The following ARMH3 variants were observed in gnomAD, a reference collection of about 807,000 sequenced individuals.
ARMH3 encodes armadillo like helical domain containing 3.
In ARMH3, 60 loss-of-function variants were observed where a neutral mutation model predicts 99.1. That is an observed-to-expected ratio of 0.61 (90% CI 0.49 to 0.75). ARMH3 has a LOEUF of 0.75. Ranked by LOEUF, ARMH3 falls within the 30% of genes least tolerant of loss-of-function variation. The probability of loss-of-function intolerance (pLI) is 0.00; values close to 1 mark genes in which losing one functional copy is unlikely to be tolerated. For synonymous variants in ARMH3, 285 were observed against 292.8 expected (o/e 0.97, Z 0.27); for missense variants, 679 against 843.1 (o/e 0.81, Z 2.41).
intron 23 of ARMH3, among the ~76,000 whole-genome samples, chr10:101,927,562 T>C (rs941649127): frequency 3.3e-5 from 5 of 152,210 alleles, no homozygotes; most frequent in African/African-American, 4.8e-5. Flanking sequence ...GCTACTCCAT[T>C]ATCACTGTCT....
chr10:101,889,628 G>C, intron 23 of ARMH3, 138 bp from the exon 24 acceptor site: 1 of 770,866 alleles, frequency 1.3e-6, no homozygotes, highest in Middle Eastern at 2.6e-4. Flanking sequence ...TCCTCTTATT[G>C]AACATGAGGT....
At chr10:101,935,608 T>C (rs1331274474) in intron 23 of ARMH3, among the ~76,000 whole-genome samples, 1 of 152,170 alleles carries the variant, frequency 6.6e-6, no homozygotes, top group Non-Finnish European at 1.5e-5. Context: ...AAAGACATAA[T>C]TTGGAGCTAT....
At chr10:101,874,941 G>T (rs974868637) in intron 24 of ARMH3, among the ~76,000 whole-genome samples, 2 of 152,170 alleles carry the variant, frequency 1.3e-5, no homozygotes, top group African/African-American at 4.8e-5. Context: ...ACAGGCAAAG[G>T]TCTAAAATGA....
At chr10:101,995,099 A>G (rs1420529937) in intron 16 of ARMH3, among the ~76,000 whole-genome samples, 198 bp downstream of exon 16, 1 of 152,264 alleles carries the variant, frequency 6.6e-6, no homozygotes, top group Non-Finnish European at 1.5e-5. Flanking sequence ...GCGTGGAAGC[A>G]GACAAGACCC....
intron 2 of ARMH3, among the ~76,000 whole-genome samples, chr10:102,037,316 T>C (rs1359914532): frequency 6.6e-6 from 1 of 151,206 alleles, no homozygotes; most frequent in Non-Finnish European, 1.5e-5. Flanking sequence ...CATAAATAGC[T>C]GGGATTATAA....
intron 23 of ARMH3, among the ~76,000 whole-genome samples, chr10:101,894,303 C>T (rs2067764700): frequency 6.6e-6 from 1 of 152,186 alleles, no homozygotes; most frequent in African/African-American, 2.4e-5. Context: ...GAAAGGAATT[C>T]CAGACAGGGC....
chr10:102,027,361 C>A (rs1293191355), intron 5 of ARMH3, among the ~76,000 whole-genome samples: 1 of 150,440 alleles, frequency 6.6e-6, no homozygotes, highest in Admixed American at 6.7e-5. Context: ...ATGGTGGTAA[C>A]AGAAGAAGAC....
intron 19 of ARMH3, among the ~76,000 whole-genome samples, chr10:101,981,088 G>A (rs920386191): frequency 4.0e-5 from 6 of 151,874 alleles, no homozygotes; most frequent in Admixed American, 3.3e-4. Flanking sequence ...GAGGGAACTC[G>A]GAGGATGGGT....
At chr10:101,849,671 C>A in intron 25 of ARMH3, 105 bp downstream of exon 25, 1 of 888,466 alleles carries the variant, frequency 1.1e-6, no homozygotes, top group Non-Finnish European at 1.8e-6. Flanking sequence ...TCCCAGCAGA[C>A]CCCTCAAGTC....
chr10:101,899,221 G>T (rs1236434454), intron 23 of ARMH3, among the ~76,000 whole-genome samples: 1 of 152,120 alleles, frequency 6.6e-6, no homozygotes, highest in Non-Finnish European at 1.5e-5. Context: ...CCCCAAGGCA[G>T]CTTCCCTTTT....
intron 5 of ARMH3, among the ~76,000 whole-genome samples, chr10:102,025,951 G>A (rs1210039397): frequency 1.3e-5 from 2 of 152,098 alleles, no homozygotes; most frequent in Admixed American, 6.6e-5. Flanking sequence ...GGCAAGTTTC[G>A]TTATTTGGTA....
chr10:102,050,453 C>CAAAT (rs960472132), intron 1 of ARMH3, among the ~76,000 whole-genome samples: 3 of 151,922 alleles, frequency 2.0e-5, no homozygotes, highest in South Asian at 2.1e-4. Context: ...GACTCTGTCT[C>CAAAT]AAATAAATAA....
intron 14 of ARMH3, among the ~76,000 whole-genome samples, chr10:102,005,348 A>G (rs2066458475): frequency 6.8e-6 from 1 of 146,776 alleles, no homozygotes; most frequent in South Asian, 2.1e-4. Flanking sequence ...ACACTACCAC[A>G]CTCTAGCCTA....
chr10:101,883,729 T>G (rs543806558), intron 24 of ARMH3, among the ~76,000 whole-genome samples: 1 of 152,032 alleles, frequency 6.6e-6, no homozygotes, highest in South Asian at 2.1e-4. Flanking sequence ...CTGGTGCTCA[T>G]GCCTATAACC....
intron 23 of ARMH3, among the ~76,000 whole-genome samples, chr10:101,918,349 T>C (rs1298257182): frequency 1.3e-5 from 2 of 152,156 alleles, no homozygotes; most frequent in Non-Finnish European, 2.9e-5. Context: ...CCACTGCGCC[T>C]GGCCATCCAG....
At chr10:101,948,027 CA>C (rs1420307627) in intron 22 of ARMH3, among the ~76,000 whole-genome samples, 4 of 151,784 alleles carry the variant, frequency 2.6e-5, no homozygotes, top group African/African-American at 9.7e-5. Context: ...AGCAGAAAAG[CA>C]GGTACAGAAG....
chr10:102,002,022 G>C lies in ARMH3; in HGVS notation c.1099C>G (p.Leu367Val). The change falls in exon 15 of 26, where the codon CTA (leucine) becomes GTA (valine). Residue 367 changes from leucine (L) to valine (V), a missense_variant. By Grantham distance (32) the Leu-to-Val change is conservative. This residue lies in a region of ARMH3 where 389 missense variants were observed against 456.5 expected (regional missense o/e 0.85). Coordinates refer to ENST00000370033, the MANE Select transcript of ARMH3 (RefSeq NM_024541.3). ...PLDADVQTSN[L>V]LITFLKYSSI... ...CTATACTTTAAAAAGGTTATCAGTAGATTACTGGTCTGTACATCTGCATCC... is the reference window on the plus strand; with the variant it reads ...CTATACTTTAAAAAGGTTATCAGTACATTACTGGTCTGTACATCTGCATCC... 6.2e-7 allele frequency: 1 copy of C among 1,614,176 alleles called. No homozygotes were observed. Among genetic ancestry groups the C allele is most frequent in the Non-Finnish European group, 8.5e-7 (1 of 1,180,028 alleles).
chr10:101,916,873 C>A (rs188246271), intron 23 of ARMH3, among the ~76,000 whole-genome samples: 1 of 152,200 alleles, frequency 6.6e-6, no homozygotes, highest in Non-Finnish European at 1.5e-5. Flanking sequence ...GGACGTCCAT[C>A]TTCTCTTGCC....
intron 18 of ARMH3, among the ~76,000 whole-genome samples, chr10:101,991,298 CAG>C (rs946300623): frequency 1.2e-4 from 18 of 152,198 alleles, no homozygotes; most frequent in African/African-American, 3.9e-4. Context: ...TTAATATACT[CAG>C]GGGAAGTTTT....
Sources: gnomAD v4.1 joint callset for allele counts (sites outside exome capture counted in the v4.1 genomes callset) on GRCh38, gnomAD v4.1.1 for gene constraint, gnomAD v4.1.1 regional missense constraint, MANE v1.5 for transcripts, NCBI Gene and HGNC (gene_info 2026-07-23, HGNC 2026-07-21) for gene names.